FKBP5: variants seen among roughly 807,000 people sequenced by gnomAD.
The protein encoded by FKBP5 is FKBP prolyl isomerase 5.
FKBP5 carries 23 observed loss-of-function variants against 50.5 expected under a neutral mutation model. The ratio of observed to expected loss-of-function variants is 0.46; its 90% CI spans 0.33 to 0.65. The LOEUF (loss-of-function observed/expected upper bound fraction) is 0.65, where lower values mean the gene tolerates loss of function less well. Ranked by LOEUF, FKBP5 falls within the 30% of genes least tolerant of loss-of-function variation. The pLI is 0.02. For missense variants in FKBP5, 411 were observed against 553.1 expected (o/e 0.74, Z 2.58); for synonymous variants, 176 against 190.6 (o/e 0.92, Z 0.63).
At chr6:35,717,528 C>T (rs1766534663) in intron 2 of FKBP5, among the ~76,000 whole-genome samples, 1 of 152,218 alleles carries the variant, frequency 6.6e-6, no homozygotes, top group Non-Finnish European at 1.5e-5. Flanking sequence ...TGTGTGCACC[C>T]TGTGTGTATG....
Position 35,642,897 on chromosome 6 carries a change from T to C in FKBP5, c.-19-54A>G, listed in dbSNP as rs1354522054. On this transcript the variant is annotated intron_variant, in intron 1 of 10. Coordinates refer to ENST00000357266, the MANE Select transcript of FKBP5 (RefSeq NM_004117.4). ...GAAAAATATCACTTCTTTATGAATCTTGAATGTCCCTGGGAACTGAGCTCT... is the reference window on the plus strand; with the variant it reads ...GAAAAATATCACTTCTTTATGAATCCTGAATGTCCCTGGGAACTGAGCTCT... The C allele has an allele frequency of 2.3e-6, 3 of 1,329,526 alleles. No individual in the cohort carries two copies. In the Admixed American group the frequency reaches 5.3e-5, roughly 24 times the overall value. The allele number at this position is 1,329,526 out of a possible 1,614,324, so 82.4% of individuals were successfully genotyped here.
At chr6:35,675,958 A>G (rs1176505217) in intron 1 of FKBP5, among the ~76,000 whole-genome samples, 1 of 152,206 alleles carries the variant, frequency 6.6e-6, no homozygotes, top group African/African-American at 2.4e-5. Flanking sequence ...GAAGGGTCCT[A>G]TTAATCCTAA....
At chr6:35,717,614 T>C (rs2151023740) in intron 2 of FKBP5, among the ~76,000 whole-genome samples, 1 of 152,268 alleles carries the variant, frequency 6.6e-6, no homozygotes, top group South Asian at 2.1e-4. Flanking sequence ...GGGGACATTT[T>C]TGCAAACTCG....
intron 3 of FKBP5, among the ~76,000 whole-genome samples, chr6:35,634,860 T>TA (rs1764262631): frequency 6.6e-6 from 1 of 151,892 alleles, no homozygotes; most frequent in Admixed American, 6.6e-5. Flanking sequence ...CCTACAAGAT[T>TA]AAAAAATAAG....
At chr6:35,614,105 G>A (rs915226883) in intron 5 of FKBP5, among the ~76,000 whole-genome samples, 2 of 151,988 alleles carry the variant, frequency 1.3e-5, no homozygotes, top group Non-Finnish European at 2.9e-5. Flanking sequence ...TGTTGCTCAG[G>A]ATGGTCTCAA....
chr6:35,696,126 C>G (rs1208954694), intron 2 of FKBP5, among the ~76,000 whole-genome samples: 3 of 118,518 alleles, frequency 2.5e-5, no homozygotes, highest in African/African-American at 6.9e-5. Flanking sequence ...GCCTGGGCGA[C>G]AGTGTGAGAC....
intron 7 of FKBP5, among the ~76,000 whole-genome samples, chr6:35,590,852 A>T (rs1391826499): frequency 6.6e-6 from 1 of 151,936 alleles, no homozygotes; most frequent in East Asian, 1.9e-4. Context: ...CTAGGAACAA[A>T]TAAGGGAACA....
intron 1 of FKBP5, among the ~76,000 whole-genome samples, chr6:35,658,381 C>CA (rs777064065): frequency 0.043 from 4,464 of 103,880 alleles, 76 homozygotes; most frequent in African/African-American, 0.054. Context: ...GAGACTCCGT[C>CA]AAAAAAAAAA....
chr6:35,599,311 T>C (rs11961905), intron 5 of FKBP5, among the ~76,000 whole-genome samples: 1,762 of 152,264 alleles, frequency 0.012, 32 homozygotes, highest in African/African-American at 0.038. Context: ...ATCAATATAG[T>C]CCAGAAACCA....
chr6:35,691,652 C>T (rs1765990230), upstream of FKBP5, among the ~76,000 whole-genome samples: 1 of 152,150 alleles, frequency 6.6e-6, no homozygotes, highest in African/African-American at 2.4e-5. Context: ...CTAGCCCCAC[C>T]CACTCTCCCA....
chr6:35,625,553 G>A (rs1204498804), intron 3 of FKBP5, among the ~76,000 whole-genome samples: 1 of 150,844 alleles, frequency 6.6e-6, no homozygotes, highest in Non-Finnish European at 1.5e-5. Context: ...TGGCTAACAC[G>A]GTGAAATCCC....
At chr6:35,668,184 C>T (rs924090910) in intron 1 of FKBP5, among the ~76,000 whole-genome samples, 14 of 152,236 alleles carry the variant, frequency 9.2e-5, no homozygotes, top group Admixed American at 7.2e-4. Context: ...TCCAACTCTT[C>T]TTCCCACTAT....
intron 3 of FKBP5, among the ~76,000 whole-genome samples, chr6:35,631,103 A>T: frequency 6.6e-6 from 1 of 152,250 alleles, no homozygotes; most frequent in East Asian, 1.9e-4. Flanking sequence ...AACCAAGGTG[A>T]GATACTACTT....
intron 8 of FKBP5, chr6:35,584,086 G>C (rs1762528318): frequency 1.0e-6 from 1 of 985,306 alleles, no homozygotes; most frequent in East Asian, 1.1e-4. Context: ...CACTGACCAG[G>C]TGTGAGTTAA....
At chr6:35,703,581 T>C (rs1766230486) in intron 2 of FKBP5, among the ~76,000 whole-genome samples, 1 of 152,194 alleles carries the variant, frequency 6.6e-6, no homozygotes, top group African/African-American at 2.4e-5. Flanking sequence ...TATTTAAAGA[T>C]ATTTGTCTAG....
At chr6:35,662,139 C>A (rs1301386319) in intron 1 of FKBP5, among the ~76,000 whole-genome samples, 2 of 152,096 alleles carry the variant, frequency 1.3e-5, no homozygotes, top group Non-Finnish European at 1.5e-5. Flanking sequence ...CTCAAGTGAT[C>A]TTCCTGCCTC....
intron 1 of FKBP5, among the ~76,000 whole-genome samples, chr6:35,672,168 A>T (rs1765406096): frequency 6.6e-6 from 1 of 152,144 alleles, no homozygotes; most frequent in African/African-American, 2.4e-5. Flanking sequence ...GTGACCGGCC[A>T]CTATCTTCTC....
At chr6:35,585,264 A>T (rs1762564547) in intron 8 of FKBP5, 59 of 981,842 alleles carry the variant, frequency 6.0e-5, no homozygotes, top group Non-Finnish European at 7.0e-5. Context: ...TCACGATCTT[A>T]AGAAATTTTG....
At chr6:35,581,920 C>G (rs1297959729) in intron 8 of FKBP5, 8 of 985,426 alleles carry the variant, frequency 8.1e-6, no homozygotes, top group African/African-American at 5.2e-5. Flanking sequence ...ACAAATACTC[C>G]AACCCTCACC....
Sources: gnomAD v4.1 joint callset for allele counts (sites outside exome capture counted in the v4.1 genomes callset) on GRCh38, gnomAD v4.1.1 for gene constraint, MANE v1.5 for transcripts, NCBI Gene and HGNC (gene_info 2026-07-23, HGNC 2026-07-21) for gene names.